SLC39A12: variants seen among roughly 807,000 people sequenced by gnomAD.
SLC39A12 encodes solute carrier family 39 member 12, also known as zinc transporter ZIP12.
Under a neutral mutation model 71.1 loss-of-function variants are expected in SLC39A12, and 63 were observed. The ratio of observed to expected loss-of-function variants is 0.89; its 90% CI spans 0.72 to 1.09. The LOEUF is 1.09. Ranked by LOEUF, SLC39A12 falls within the 50% of genes least tolerant of loss-of-function variation. The pLI, the probability that SLC39A12 is intolerant of heterozygous loss-of-function variation, is 0.00. For synonymous variants in SLC39A12, 351 were observed against 301.3 expected (o/e 1.16, Z -1.71); for missense variants, 892 against 812.6 (o/e 1.10, Z -1.19).
chr10:17,956,186 T>C (rs1343314862), intron 2 of SLC39A12, among the ~76,000 whole-genome samples: 6 of 152,162 alleles, frequency 3.9e-5, no homozygotes, highest in African/African-American at 9.7e-5. Flanking sequence ...GGGAGATCTC[T>C]GCAAGGATCA....
intron 2 of SLC39A12, among the ~76,000 whole-genome samples, chr10:17,957,955 G>A (rs1554847929): frequency 2.0e-5 from 3 of 152,134 alleles, no homozygotes; most frequent in South Asian, 2.1e-4. Context: ...GATGCAACAC[G>A]TGTTCATTCA....
Position 18,000,787 on chromosome 10 carries a change from C to T in SLC39A12, c.1721C>T (p.Thr574Met), listed in dbSNP as rs770362893. Reference protein sequence around the residue: ...SSSSESGVTTTIAILCHEIPH... With the variant: ...SSSSESGVTTMIAILCHEIPH... The stretch of plus-strand genomic sequence containing the variant: ...TCATCCGAGTCAGGAGTGACCACTA[C>T]GATTGCTATCTTGTGTCATGAAATC... The change falls in exon 11 of 13, where the codon ACG becomes ATG. Residue 574 changes from threonine (T) to methionine (M), a missense_variant. Transcript: ENST00000377369. 21 of 1,613,950 alleles carry T rather than the reference C, an allele frequency of 1.3e-5. No homozygotes were observed. Among genetic ancestry groups the T allele is most frequent in the East Asian group, 4.5e-5 (2 of 44,892 alleles).
At chr10:17,970,447 C>G (rs1319958488) in intron 4 of SLC39A12, among the ~76,000 whole-genome samples, 1 of 151,878 alleles carries the variant, frequency 6.6e-6, no homozygotes, top group African/African-American at 2.4e-5. Flanking sequence ...TTCTTGGTGT[C>G]TTCTTCAGTT....
rs1321246872 is a variant in SLC39A12 at position 18,019,714 on chromosome 10, C to G, written c.1947+16356C>G. Among the ~76,000 whole-genome samples, 3 of 151,928 alleles carry G rather than the reference C, an allele frequency of 2.0e-5. No homozygotes were observed. The East Asian group carries it at 5.8e-4, about 29-fold the overall frequency. On this transcript the variant is annotated intron_variant, in intron 12 of 12. Transcript: ENST00000377369. ...TAATCTCCAGTTCTTTTGGTATTTT[C>G]CAGCTATCTTTCTGTTATTGATTTC...
intron 6 of SLC39A12, among the ~76,000 whole-genome samples, chr10:17,986,137 C>T (rs1250403271): frequency 6.6e-6 from 1 of 152,134 alleles, no homozygotes; most frequent in Non-Finnish European, 1.5e-5. Context: ...AGTCTTTTCG[C>T]CTTTGAGAAG....
intron 12 of SLC39A12, among the ~76,000 whole-genome samples, chr10:18,025,876 G>A (rs1381453707): frequency 6.6e-6 from 1 of 152,088 alleles, no homozygotes; most frequent in African/African-American, 2.4e-5. Flanking sequence ...ATTTATTTTA[G>A]TGGTTGTGCT....
At chr10:17,976,046 G>A (rs903374700) in intron 4 of SLC39A12, among the ~76,000 whole-genome samples, 20 of 152,300 alleles carry the variant, frequency 1.3e-4, no homozygotes, top group South Asian at 6.2e-4. Context: ...TGGGGAGGTG[G>A]GAGAGGGGTG....
At chr10:18,033,076 A>G (rs1344639612) in intron 12 of SLC39A12, among the ~76,000 whole-genome samples, 2 of 150,246 alleles carry the variant, frequency 1.3e-5, no homozygotes, top group Non-Finnish European at 3.0e-5. Flanking sequence ...GGATTTTTGC[A>G]TCAATGTTCA....
At chr10:17,955,490 G>T (rs994938867) in intron 2 of SLC39A12, among the ~76,000 whole-genome samples, 3 of 152,166 alleles carry the variant, frequency 2.0e-5, no homozygotes, top group Admixed American at 6.5e-5. Flanking sequence ...TCACAAACAC[G>T]CGGGTTCTGG....
At chr10:18,027,910 A>C (rs1224377335) in intron 12 of SLC39A12, among the ~76,000 whole-genome samples, 1 of 152,266 alleles carries the variant, frequency 6.6e-6, no homozygotes, top group Non-Finnish European at 1.5e-5. Context: ...GGCTGGAGTT[A>C]GAGACTCCCA....
intron 2 of SLC39A12, among the ~76,000 whole-genome samples, chr10:17,957,705 CT>C (rs1358875832): frequency 6.6e-6 from 1 of 152,130 alleles, no homozygotes; most frequent in African/African-American, 2.4e-5. Context: ...CAGCTCTGTC[CT>C]CATCCAACAG....
chr10:17,982,229 A>G (rs1835279383), intron 6 of SLC39A12, among the ~76,000 whole-genome samples: 1 of 152,320 alleles, frequency 6.6e-6, no homozygotes, highest in Non-Finnish European at 1.5e-5. Flanking sequence ...AGTCATTGCA[A>G]TAGATGAGAT....
chr10:18,014,272 T>A (rs1836316771), intron 12 of SLC39A12, among the ~76,000 whole-genome samples: 1 of 152,204 alleles, frequency 6.6e-6, no homozygotes, highest in Admixed American at 6.5e-5. Context: ...TTTGTGTTTA[T>A]AAATGCAACT....
intron 12 of SLC39A12, among the ~76,000 whole-genome samples, chr10:18,038,463 T>C (rs2497788): frequency 0.72 from 109,230 of 151,900 alleles, 39,605 homozygotes; most frequent in African/African-American, 0.75. Flanking sequence ...CCAGCCTGGC[T>C]AACATGGTGA....
chr10:17,975,599 G>T (rs1835089220), intron 4 of SLC39A12, among the ~76,000 whole-genome samples: 1 of 151,664 alleles, frequency 6.6e-6, no homozygotes, highest in Non-Finnish European at 1.5e-5. Flanking sequence ...GGAAGTAAGG[G>T]GTATCTTTTG....
At chr10:17,979,241 G>T (rs1223300296) in intron 5 of SLC39A12, among the ~76,000 whole-genome samples, 1 of 152,082 alleles carries the variant, frequency 6.6e-6, no homozygotes, top group African/African-American at 2.4e-5. Flanking sequence ...CCCCAGTAAG[G>T]ACATTTATGT....
chr10:17,979,332 A>C (rs546954369), intron 5 of SLC39A12, among the ~76,000 whole-genome samples: 1 of 152,236 alleles, frequency 6.6e-6, no homozygotes, highest in Admixed American at 6.5e-5. Flanking sequence ...AGAAGTTTGT[A>C]ATAGAATAAC....
intron 7 of SLC39A12, among the ~76,000 whole-genome samples, chr10:17,988,927 G>A (rs940874662): frequency 1.3e-5 from 2 of 152,012 alleles, no homozygotes; most frequent in African/African-American, 4.8e-5. Flanking sequence ...TTATACCCTT[G>A]ACCCTGCCCA....
At chr10:17,978,369 G>A (rs943331) in intron 5 of SLC39A12, among the ~76,000 whole-genome samples, 35,069 of 152,074 alleles carry the variant, frequency 0.23, 4,688 homozygotes, top group Admixed American at 0.36. Context: ...TATGCACACC[G>A]CTAATCATCC....
Sources: allele counts gnomAD v4.1 joint callset (sites outside exome capture counted in the v4.1 genomes callset), GRCh38; gene constraint gnomAD v4.1.1; transcripts MANE v1.5; gene names NCBI Gene and HGNC (gene_info 2026-07-23, HGNC 2026-07-21).